Variants in AKAP19 observed in about 807,000 individuals in gnomAD.
The protein encoded by AKAP19 is small A-kinase anchoring protein.
the AKAP19 span, among the ~76,000 whole-genome samples, chr2:189,933,896 T>A: frequency 6.6e-6 from 1 of 152,142 alleles, no homozygotes; most frequent in Non-Finnish European, 1.5e-5. Flanking sequence ...GACAGCCTTT[T>A]CTCAGCTAAA....
the AKAP19 span, among the ~76,000 whole-genome samples, chr2:189,967,864 AAAG>A: frequency 4.6e-4 from 70 of 152,190 alleles, no homozygotes; most frequent in Admixed American, 1.3e-3. Flanking sequence ...TAAAAAAAAA[AAAG>A]GAACATTGTC....
At chr2:189,929,796 C>CT in the AKAP19 span, among the ~76,000 whole-genome samples, 8,710 of 152,142 alleles carry the variant, frequency 0.057, 437 homozygotes, top group African/African-American at 0.13. Context: ...CTTTAAACTA[C>CT]TTTTTTTGTG....
chr2:190,053,182 A>G, the AKAP19 span, among the ~76,000 whole-genome samples: 6 of 152,354 alleles, frequency 3.9e-5, no homozygotes, highest in South Asian at 6.2e-4. Flanking sequence ...TAAACCTGAC[A>G]TAAGCTAGTC....
At chr2:189,899,722 TC>T in the AKAP19 span, among the ~76,000 whole-genome samples, 1 of 152,280 alleles carries the variant, frequency 6.6e-6, no homozygotes, top group East Asian at 1.9e-4. Flanking sequence ...TTTGTTTTTT[TC>T]CTCATAGATT....
chr2:190,157,513 T>C, the AKAP19 span, among the ~76,000 whole-genome samples: 1 of 152,172 alleles, frequency 6.6e-6, no homozygotes, highest in Non-Finnish European at 1.5e-5. Context: ...GTAAAAAAAT[T>C]ATGGATATAA....
the AKAP19 span, among the ~76,000 whole-genome samples, chr2:190,008,730 G>GCACACA: frequency 3.3e-5 from 4 of 120,684 alleles, no homozygotes; most frequent in Non-Finnish European, 3.7e-5. Context: ...ATGTGCACGT[G>GCACACA]CACACACACA....
the AKAP19 span, among the ~76,000 whole-genome samples, chr2:190,034,856 C>CAAAAAAAAAAAAAAAAA: frequency 1.5e-5 from 1 of 68,640 alleles, no homozygotes; most frequent in Non-Finnish European, 2.6e-5. Context: ...CCTGTCTCAC[C>CAAAAAAAAAAAAAAAAA]AAAAAAAAAA....
the AKAP19 span, among the ~76,000 whole-genome samples, chr2:189,962,514 A>T: frequency 6.6e-6 from 1 of 152,352 alleles, no homozygotes; most frequent in East Asian, 1.9e-4. Flanking sequence ...AAAAAACAAG[A>T]ACTATTACTA....
At chr2:190,047,608 G>A in the AKAP19 span, among the ~76,000 whole-genome samples, 6 of 152,152 alleles carry the variant, frequency 3.9e-5, no homozygotes, top group Admixed American at 6.5e-5. Flanking sequence ...CATAGTTCCC[G>A]CAGTAGTACA....
chr2:189,886,481 A>G, the AKAP19 span, among the ~76,000 whole-genome samples: 2 of 152,180 alleles, frequency 1.3e-5, no homozygotes, highest in South Asian at 4.1e-4. Context: ...ATCCTGGGAG[A>G]TTGAAGACAC....
chr2:189,903,193 T>C, the AKAP19 span, among the ~76,000 whole-genome samples: 1 of 151,960 alleles, frequency 6.6e-6, no homozygotes, highest in Non-Finnish European at 1.5e-5. Flanking sequence ...TCTTGAGAGG[T>C]ATGAAAACTT....
At chr2:189,995,418 A>G in the AKAP19 span, among the ~76,000 whole-genome samples, 2 of 152,064 alleles carry the variant, frequency 1.3e-5, no homozygotes, top group African/African-American at 2.4e-5. Flanking sequence ...GTTTTGTCTG[A>G]TTTAAGAATA....
chr2:190,011,630 ATTTCATTTTT>A, the AKAP19 span, among the ~76,000 whole-genome samples: 2 of 152,140 alleles, frequency 1.3e-5, no homozygotes, highest in Non-Finnish European at 2.9e-5. Flanking sequence ...TAAGGGTCTA[ATTTCATTTTT>A]CTGTATATGG....
the AKAP19 span, among the ~76,000 whole-genome samples, chr2:190,110,049 G>C: frequency 9.2e-5 from 14 of 152,284 alleles, 1 homozygote; most frequent in Non-Finnish European, 1.8e-4. Flanking sequence ...TTTTTAACAA[G>C]TTCCCAGATG....
At chr2:190,140,753 G>A in the AKAP19 span, among the ~76,000 whole-genome samples, 1 of 152,178 alleles carries the variant, frequency 6.6e-6, no homozygotes, top group Non-Finnish European at 1.5e-5. Flanking sequence ...ACATAGCCTG[G>A]AGACATTTTT....
chr2:190,064,682 G>A, the AKAP19 span, among the ~76,000 whole-genome samples: 2 of 152,118 alleles, frequency 1.3e-5, no homozygotes. Context: ...ATGCAGAAGG[G>A]TTTGAGATTA....
the AKAP19 span, among the ~76,000 whole-genome samples, chr2:190,189,582 C>T: frequency 6.6e-6 from 1 of 152,102 alleles, no homozygotes. Flanking sequence ...TTTTGATGTC[C>T]TATACTCTAG....
chr2:189,930,987 G>T, the AKAP19 span: 1 of 828,278 alleles, frequency 1.2e-6, no homozygotes, highest in African/African-American at 1.7e-5. Context: ...CATCCGAGGT[G>T]GGGGATTTGA....
At chr2:190,065,973 A>G in the AKAP19 span, among the ~76,000 whole-genome samples, 1 of 152,172 alleles carries the variant, frequency 6.6e-6, no homozygotes, top group Non-Finnish European at 1.5e-5. Flanking sequence ...CAGTTCTGGC[A>G]GTTCTTATCA....
Sources: allele counts gnomAD v4.1 joint callset (sites outside exome capture counted in the v4.1 genomes callset), GRCh38; gene constraint gnomAD v4.1.1; transcripts MANE v1.5; gene names NCBI Gene and HGNC (gene_info 2026-07-23, HGNC 2026-07-21).